The following CRPPA variants were observed in gnomAD, a reference collection of about 807,000 sequenced individuals.
CRPPA encodes CDP-L-ribitol pyrophosphorylase A, also known as D-ribitol-5-phosphate cytidylyltransferase.
In CRPPA, 43 loss-of-function variants were observed where a neutral mutation model predicts 52.0. The observed-to-expected ratio is 0.83, with a 90% CI of 0.65 to 1.07. The LOEUF (loss-of-function observed/expected upper bound fraction) is 1.07. Among genes scored for constraint, CRPPA ranks in the 50% least tolerant of loss-of-function variants. The probability of loss-of-function intolerance (pLI) is 0.00; values close to 1 mark genes in which losing one functional copy is unlikely to be tolerated. For synonymous variants in CRPPA, 250 were observed against 203.5 expected, an observed-to-expected ratio of 1.23 and a Z score of -1.94; for missense variants, 629 against 551.7, an observed-to-expected ratio of 1.14 and a Z score of -1.40.
chr7:16,329,014 C>T (rs1391284407), intron 3 of CRPPA, among the ~76,000 whole-genome samples: 1 of 152,148 alleles, frequency 6.6e-6, no homozygotes, highest in African/African-American at 2.4e-5. Context: ...AGACAAGTAA[C>T]ATACTATAAG....
intron 6 of CRPPA, among the ~76,000 whole-genome samples, chr7:16,276,060 T>C (rs73060592): frequency 0.019 from 2,821 of 151,880 alleles, 41 homozygotes; most frequent in Non-Finnish European, 0.026. Context: ...TAAAAAATAT[T>C]TCAGAAATGA....
chr7:16,287,184 G>C (rs1046629497), intron 5 of CRPPA, among the ~76,000 whole-genome samples: 2 of 152,108 alleles, frequency 1.3e-5, no homozygotes, highest in African/African-American at 4.8e-5. Context: ...AATTGCCCAA[G>C]TTCACAGGCA....
intron 3 of CRPPA, among the ~76,000 whole-genome samples, chr7:16,339,601 G>A (rs1451756528): frequency 6.6e-6 from 1 of 152,198 alleles, no homozygotes; most frequent in Non-Finnish European, 1.5e-5. Context: ...TCTTAATGGT[G>A]AGAACTCAAA....
At chr7:16,381,984 C>T (rs1281617769) in intron 2 of CRPPA, among the ~76,000 whole-genome samples, 8 of 151,990 alleles carry the variant, frequency 5.3e-5, no homozygotes, top group African/African-American at 1.9e-4. Context: ...GCATTTAGTC[C>T]ATTTACATTT....
Position 16,406,262 on chromosome 7 carries a change from C to G in CRPPA, c.333G>C (p.Lys111Asn). The change falls in exon 2 of 10, where the codon AAG (lysine) becomes AAC (asparagine). Residue 111 changes from lysine (K) to asparagine (N), a missense_variant. Lys to Asn is a moderately conservative substitution (Grantham distance 94). Coordinates refer to ENST00000407010, the MANE Select transcript of CRPPA (RefSeq NM_001101426.4). Reference protein sequence around the residue: ...NMEVMKSIIQKYQHKRISLVE... With the variant: ...NMEVMKSIIQNYQHKRISLVE... Reference sequence around the variant, plus strand: ...CCAGTGAGATGCGTTTATGCTGATACTTCTGAATAATACTTTTCATTACTT... The same window carrying G: ...CCAGTGAGATGCGTTTATGCTGATAGTTCTGAATAATACTTTTCATTACTT... 1 of 1,613,874 alleles carries G rather than the reference C, an allele frequency of 6.2e-7. No individual in the cohort carries two copies. The highest frequency in any genetic ancestry group is 8.5e-7 in the Non-Finnish European group (1 of 1,179,818).
chr7:16,406,447 C>T, intron 1 of CRPPA, 110 bp from the exon 2 acceptor site: 1 of 937,808 alleles, frequency 1.1e-6, no homozygotes, highest in Non-Finnish European at 1.6e-6. Context: ...AGATTAAAAA[C>T]TGCAAGTTAA....
intron 1 of CRPPA, among the ~76,000 whole-genome samples, chr7:16,415,345 A>G (rs1299642440): frequency 1.3e-5 from 2 of 152,216 alleles, no homozygotes; most frequent in Admixed American, 1.3e-4. Flanking sequence ...TGAGTCATCT[A>G]TCTCAGGCAC....
intron 9 of CRPPA, among the ~76,000 whole-genome samples, chr7:16,111,240 A>G (rs1375746284): frequency 6.6e-6 from 1 of 152,134 alleles, no homozygotes; most frequent in Non-Finnish European, 1.5e-5. Context: ...ATCATCTCAC[A>G]CCTGTCAGAA....
At chr7:16,263,514 G>A (rs1004912218) in intron 6 of CRPPA, among the ~76,000 whole-genome samples, 1 of 152,188 alleles carries the variant, frequency 6.6e-6, no homozygotes, top group Non-Finnish European at 1.5e-5. Context: ...CACTCTGGGA[G>A]GCCGAGGTGG....
chr7:16,283,871 A>G (rs1217970379), intron 5 of CRPPA, among the ~76,000 whole-genome samples: 31 of 152,088 alleles, frequency 2.0e-4, no homozygotes, highest in Admixed American at 2.0e-3. Context: ...AACATATTTA[A>G]TAACTACAGA....
chr7:16,311,119 C>T (rs1785025680), intron 3 of CRPPA, among the ~76,000 whole-genome samples: 1 of 152,130 alleles, frequency 6.6e-6, no homozygotes, highest in Admixed American at 6.6e-5. Context: ...ACCTCTCCTA[C>T]TATTGAAACC....
intron 3 of CRPPA, among the ~76,000 whole-genome samples, chr7:16,322,817 G>A (rs560022514): frequency 5.3e-5 from 8 of 152,192 alleles, no homozygotes; most frequent in Non-Finnish European, 1.0e-4. Context: ...AGAAATACCC[G>A]AGACTTGGGA....
rs1412333451 is a variant in CRPPA at position 16,090,870 on chromosome 7, G to C, written c.*825C>G. ...CAATGAAAACTGGAAATAAGAACTT[G>C]ATTTTAAAAGGTAGCAGTATCTGAA... is the stretch of plus-strand genomic sequence containing the variant. On this transcript the variant is annotated 3_prime_UTR_variant, in exon 10 of 10. Transcript: ENST00000407010. The C allele has an allele frequency of 1.3e-5, 2 of 152,134 alleles. No homozygotes were observed. Among genetic ancestry groups the C allele is most frequent in the Non-Finnish European group, 2.9e-5 (2 of 68,022 alleles). 9.4% of individuals were successfully genotyped at this position (152,134 alleles called of 1,614,324 possible). A position where few individuals can be genotyped will look rare whatever the true frequency, so the allele number is the denominator to read the frequency against.
At chr7:16,260,541 C>G (rs1288903607) in intron 6 of CRPPA, among the ~76,000 whole-genome samples, 1 of 152,014 alleles carries the variant, frequency 6.6e-6, no homozygotes, top group Non-Finnish European at 1.5e-5. Context: ...GGTCTTTTCT[C>G]TGACTCTGTA....
intron 9 of CRPPA, among the ~76,000 whole-genome samples, chr7:16,177,550 G>C (rs1781327811): frequency 6.6e-6 from 1 of 151,850 alleles, no homozygotes; most frequent in South Asian, 2.1e-4. Flanking sequence ...GAGAACAAAA[G>C]AACATACGTA....
At chr7:16,114,343 A>C (rs1782326628) in intron 9 of CRPPA, among the ~76,000 whole-genome samples, 1 of 151,830 alleles carries the variant, frequency 6.6e-6, no homozygotes, top group South Asian at 2.1e-4. Flanking sequence ...AGACAAAAAA[A>C]AATCCCCAAA....
At chr7:16,261,761 C>T (rs758586142) in intron 6 of CRPPA, 15 of 151,964 alleles carry the variant, frequency 9.9e-5, no homozygotes, top group Non-Finnish European at 2.2e-4. Flanking sequence ...TCTTATATTC[C>T]ATTTGTCATT....
chr7:16,361,246 C>T (rs186130655), intron 3 of CRPPA, among the ~76,000 whole-genome samples: 34 of 151,998 alleles, frequency 2.2e-4, no homozygotes, highest in African/African-American at 7.7e-4. Flanking sequence ...ATTGGAAACC[C>T]GTGTGAACTA....
intron 9 of CRPPA, among the ~76,000 whole-genome samples, chr7:16,102,627 T>C (rs7781532): frequency 0.79 from 119,619 of 151,792 alleles, 48,448 homozygotes; most frequent in Non-Finnish European, 0.86. Flanking sequence ...AACAAACAAC[T>C]GCATTAAAAC....
Sources: gnomAD v4.1 joint callset for allele counts (sites outside exome capture counted in the v4.1 genomes callset) on GRCh38, gnomAD v4.1.1 for gene constraint, MANE v1.5 for transcripts, NCBI Gene and HGNC (gene_info 2026-07-23, HGNC 2026-07-21) for gene names.